The following BRD10 variants were observed in gnomAD, a reference collection of about 807,000 sequenced individuals.
BRD10 encodes uncharacterized bromodomain-containing protein 10.
the BRD10 span, among the ~76,000 whole-genome samples, chr9:5,914,410 G>GTTTTTTTTT: frequency 2.9e-4 from 22 of 75,488 alleles, 1 homozygote; most frequent in African/African-American, 1.3e-3. Flanking sequence ...AATCCAGATG[G>GTTTTTTTTT]TTTTTTTTTT....
At chr9:5,997,700 G>A in the BRD10 span, among the ~76,000 whole-genome samples, 1 of 152,150 alleles carries the variant, frequency 6.6e-6, no homozygotes, top group Non-Finnish European at 1.5e-5. Flanking sequence ...AAAAAATTAA[G>A]CTGGATTTCA....
At chr9:5,950,554 T>G in the BRD10 span, among the ~76,000 whole-genome samples, 5 of 152,214 alleles carry the variant, frequency 3.3e-5, no homozygotes, top group African/African-American at 9.7e-5. Context: ...TGGTACCCAC[T>G]GAATCAAGGT....
At chr9:5,911,255 G>A in the BRD10 span, among the ~76,000 whole-genome samples, 1 of 151,996 alleles carries the variant, frequency 6.6e-6, no homozygotes, top group African/African-American at 2.4e-5. Flanking sequence ...TCATTCTTCT[G>A]CATACAGGTA....
At chr9:5,988,257 A>T in the BRD10 span, 1 of 869,144 alleles carries the variant, frequency 1.2e-6, no homozygotes, top group Non-Finnish European at 1.9e-6. Flanking sequence ...AATGCATTTT[A>T]GAACACTACT....
At chr9:5,987,869 C>A in the BRD10 span, among the ~76,000 whole-genome samples, 1 of 152,248 alleles carries the variant, frequency 6.6e-6, no homozygotes. Flanking sequence ...TGCTCCCAGA[C>A]CCTAGAAGCT....
At chr9:5,899,609 C>T in the BRD10 span, among the ~76,000 whole-genome samples, 2 of 152,146 alleles carry the variant, frequency 1.3e-5, no homozygotes, top group Non-Finnish European at 2.9e-5. Flanking sequence ...CCTGCTCATA[C>T]GGCTGTCCAC....
At chr9:5,991,629 G>T in the BRD10 span, among the ~76,000 whole-genome samples, 1 of 151,572 alleles carries the variant, frequency 6.6e-6, no homozygotes, top group Non-Finnish European at 1.5e-5. Flanking sequence ...GGAGGCTGAG[G>T]CAGGAGAATC....
chr9:5,885,060 C>T, the BRD10 span, among the ~76,000 whole-genome samples: 1 of 152,202 alleles, frequency 6.6e-6, no homozygotes, highest in African/African-American at 2.4e-5. Context: ...TCCCTGTGGT[C>T]CTCCATTTCC....
At chr9:5,921,555 T>G in the BRD10 span, 55 of 1,613,872 alleles carry the variant, frequency 3.4e-5, no homozygotes, top group Non-Finnish European at 4.3e-5. Context: ...GAAGAAAGAA[T>G]AGATGGAGCT....
chr9:5,994,247 A>AT, the BRD10 span, among the ~76,000 whole-genome samples: 6 of 152,170 alleles, frequency 3.9e-5, no homozygotes, highest in Non-Finnish European at 5.9e-5. Context: ...GTTTTATAAT[A>AT]TATAAAACAT....
At chr9:5,968,712 T>C in the BRD10 span, 2 of 1,613,874 alleles carry the variant, frequency 1.2e-6, no homozygotes, top group Non-Finnish European at 1.7e-6. Flanking sequence ...TCCAATTTAA[T>C]CCGAGGTACT....
chr9:6,006,962 C>G, the BRD10 span, among the ~76,000 whole-genome samples: 1 of 152,256 alleles, frequency 6.6e-6, no homozygotes, highest in East Asian at 1.9e-4. Flanking sequence ...CCCAGCTCTT[C>G]AGCGCTGCAG....
chr9:5,922,377 C>T, the BRD10 span: 1 of 1,613,998 alleles, frequency 6.2e-7, no homozygotes, highest in Non-Finnish European at 8.5e-7. Context: ...TTTCCTGCCT[C>T]ACTCTGGCTA....
the BRD10 span, chr9:5,907,104 T>C: frequency 4.0e-5 from 28 of 707,448 alleles, no homozygotes; most frequent in South Asian, 6.7e-4. Context: ...AATGTACTCA[T>C]TGCCACTGAA....
the BRD10 span, among the ~76,000 whole-genome samples, chr9:5,945,177 T>G: frequency 6.6e-6 from 1 of 152,136 alleles, no homozygotes; most frequent in Non-Finnish European, 1.5e-5. Flanking sequence ...AATTTCAACA[T>G]TGGTGGTTTC....
At chr9:5,933,814 A>G in the BRD10 span, 8 of 471,328 alleles carry the variant, frequency 1.7e-5, no homozygotes, top group Non-Finnish European at 3.1e-5. Context: ...CAGCACCAGC[A>G]TAACACTGGC....
chr9:5,941,148 T>G, the BRD10 span, among the ~76,000 whole-genome samples: 2 of 152,154 alleles, frequency 1.3e-5, no homozygotes, highest in Non-Finnish European at 2.9e-5. Flanking sequence ...AATATAAGTT[T>G]GGCGAAATCT....
chr9:5,904,682 A>G, the BRD10 span, among the ~76,000 whole-genome samples: 1 of 152,164 alleles, frequency 6.6e-6, no homozygotes, highest in South Asian at 2.1e-4. Context: ...CATGTTGGCC[A>G]GGCTGGAACT....
chr9:5,906,243 T>G, the BRD10 span, among the ~76,000 whole-genome samples: 1 of 148,718 alleles, frequency 6.7e-6, no homozygotes, highest in Non-Finnish European at 1.5e-5. Context: ...GGCAGGAGTA[T>G]CACTTGAACC....
Sources: gnomAD v4.1 joint callset for allele counts (sites outside exome capture counted in the v4.1 genomes callset) on GRCh38, gnomAD v4.1.1 for gene constraint, MANE v1.5 for transcripts, NCBI Gene and HGNC (gene_info 2026-07-23, HGNC 2026-07-21) for gene names.